PLEKHM2: variants seen among roughly 807,000 people sequenced by gnomAD.
PLEKHM2 encodes the protein pleckstrin homology domain-containing family M member 2.
PLEKHM2 carries 77 observed loss-of-function variants against 116.3 expected under a neutral mutation model. The ratio of observed to expected loss-of-function variants is 0.66; its 90% CI spans 0.55 to 0.80. The LOEUF is 0.80. Ranked by LOEUF, PLEKHM2 falls within the 30% of genes least tolerant of loss-of-function variation. PLEKHM2 has a pLI of 0.00. For missense variants in PLEKHM2, 1,183 were observed against 1,354.9 expected (o/e 0.87, Z 1.99); for synonymous variants, 562 against 571.0 (o/e 0.98, Z 0.22).
At position 15,686,601 on chromosome 1, in the gene PLEKHM2, C is replaced by T. The variant is rs140647440; in HGVS notation, c.60+1983C>T. Reference sequence around the variant, plus strand: ...GTTCAAGCGATTCTTCTGCCTCGGCCTCTCGAGTAGCTGGGATTACAGGTG... The same window carrying T: ...GTTCAAGCGATTCTTCTGCCTCGGCTTCTCGAGTAGCTGGGATTACAGGTG... On this transcript the variant is annotated intron_variant, in intron 1 of 19. Transcript: ENST00000375799. 9.0e-4 allele frequency among the ~76,000 whole-genome samples: 137 copies of T among 151,818 alleles called. 2 individuals are homozygous for T. In the East Asian group the frequency reaches 0.023, roughly 25 times the overall value.
At position 15,728,448 on chromosome 1, in the gene PLEKHM2, C is replaced by T. The variant is rs1052358237; in HGVS notation, c.1921+91C>T. 2.1e-5 allele frequency: 26 copies of T among 1,235,114 alleles called. No individual in the cohort carries two copies. In the East Asian group the frequency reaches 2.4e-4, roughly 12 times the overall value. The allele number at this position is 1,235,114 out of a possible 1,614,324, so 76.5% of individuals were successfully genotyped here. On this transcript the variant is annotated intron_variant, in intron 11 of 19. Transcript: ENST00000375799. This position sits in a 1 kb window ranked among gnomAD's most constrained non-coding sequence, Gnocchi z 5.9. ...GTCCCCTTGCCCTCTGAGTGCCTCC[C>T]GGCTGCCTGGCATGCAGTGATGGAA... is the stretch of plus-strand genomic sequence containing the variant.
Position 15,728,211 on chromosome 1 carries a change from C to T in PLEKHM2, c.1831-56C>T, listed in dbSNP as rs1427361423. On this transcript the variant is annotated intron_variant, in intron 10 of 19. Coordinates refer to ENST00000375799, the MANE Select transcript of PLEKHM2 (RefSeq NM_015164.4). The surrounding 1 kb of genome is among the most constrained non-coding windows in gnomAD (Gnocchi z 5.9). ...AAGGGCAAGGCGGGATGGGCCACCG[C>T]CCCCGCTGGAGCGGCAGGAGCCACC... The T allele has an allele frequency of 1.9e-6, 3 of 1,602,140 alleles. No individual in the cohort carries two copies. Among genetic ancestry groups the T allele is most frequent in the East Asian group, 2.3e-5 (1 of 42,772 alleles).
At chr1:15,694,718 TA>T (rs1216019439) in intron 1 of PLEKHM2, among the ~76,000 whole-genome samples, 1 of 152,108 alleles carries the variant, frequency 6.6e-6, no homozygotes, top group Admixed American at 6.6e-5. Flanking sequence ...GGTGGCCCTC[TA>T]CACAGATATT....
rs2067999027 is a variant in PLEKHM2, at chr1:15,721,676, T to G, written c.712+288T>G. Among the ~76,000 whole-genome samples, 1 of 152,068 alleles carries G rather than the reference T, an allele frequency of 6.6e-6. No individual in the cohort carries two copies. The highest frequency in any genetic ancestry group is 2.4e-5 in the African/African-American group (1 of 41,396). Reference sequence around the variant, plus strand: ...ACAGGGTCACCCTTCCTGATTCCAGTGCCAGCTGATGCTCTCGGGGTGTGT... The same window carrying G: ...ACAGGGTCACCCTTCCTGATTCCAGGGCCAGCTGATGCTCTCGGGGTGTGT... On this transcript the variant is annotated intron_variant, in intron 7 of 19. Transcript: ENST00000375799. The surrounding 1 kb of genome is among the most constrained non-coding windows in gnomAD (Gnocchi z 5.1).
Position 15,711,622 on chromosome 1 carries a change from AAAAAAAG to A in PLEKHM2, c.61-4600_61-4594del, listed in dbSNP as rs1283566697. ...ACAGAGCGAGGCTCCATCTCAAAAA[AAAAAAAG>A]AAAAAAGAAAAAAGGCACTTCTGTA... On this transcript the variant is annotated intron_variant, in intron 1 of 19. Coordinates refer to ENST00000375799, the MANE Select transcript of PLEKHM2 (RefSeq NM_015164.4). 1.9e-4 allele frequency among the ~76,000 whole-genome samples: 29 copies of A among 152,020 alleles called. No individual in the cohort carries two copies. The East Asian group carries it at 3.5e-3, about 18-fold the overall frequency.
chr1:15,725,273 G>A (rs376010242), intron 7 of PLEKHM2, 44 bp from the exon 8 acceptor site: 33 of 1,431,500 alleles, frequency 2.3e-5, no homozygotes, highest in East Asian at 5.0e-5. Flanking sequence ...CGGGGACCCC[G>A]GGGGGTGCCT....
intron 1 of PLEKHM2, among the ~76,000 whole-genome samples, chr1:15,701,183 G>A (rs905026411): frequency 6.7e-6 from 1 of 149,480 alleles, no homozygotes; most frequent in Non-Finnish European, 1.5e-5. Flanking sequence ...TGTAATCCCA[G>A]CACTTGGTGA....
intron 1 of PLEKHM2, among the ~76,000 whole-genome samples, chr1:15,706,216 G>A (rs1456277529): frequency 1.3e-5 from 2 of 152,156 alleles, no homozygotes; most frequent in African/African-American, 4.8e-5. Context: ...GTGTGGCTGT[G>A]CATGATCCGG....
chr1:15,704,776 G>A (rs1187854130), intron 1 of PLEKHM2, among the ~76,000 whole-genome samples: 2 of 152,162 alleles, frequency 1.3e-5, no homozygotes, highest in Non-Finnish European at 2.9e-5. Flanking sequence ...CCATGACCCT[G>A]GCGACTGACC....
chr1:15,683,700 G>A (rs925445863), upstream of PLEKHM2, among the ~76,000 whole-genome samples: 1 of 151,314 alleles, frequency 6.6e-6, no homozygotes, highest in African/African-American at 2.4e-5. Flanking sequence ...CAGGGTCTGT[G>A]GGGGTCCCCA....
intron 14 of PLEKHM2, 120 bp downstream of exon 14, chr1:15,730,049 GC>G (rs962379282): frequency 3.1e-4 from 97 of 315,868 alleles, no homozygotes; most frequent in Admixed American, 1.7e-3. Context: ...GCCTACCTGG[GC>G]GGGGCGGGGC....
chr1:15,705,243 A>G (rs1418424487), intron 1 of PLEKHM2, among the ~76,000 whole-genome samples: 2 of 138,452 alleles, frequency 1.4e-5, no homozygotes, highest in African/African-American at 2.8e-5. Context: ...CAGTGGTGCA[A>G]TCTTGGCTCA....
At position 15,731,237 on chromosome 1, in the gene PLEKHM2, T is replaced by C. The variant is rs1272097914; in HGVS notation, c.2445T>C (p.Pro815=). 7 of 1,594,960 alleles carry C rather than the reference T, an allele frequency of 4.4e-6. No individual in the cohort carries two copies. Among genetic ancestry groups the C allele is most frequent in the Non-Finnish European group, 5.1e-6 (6 of 1,170,478 alleles). The stretch of plus-strand genomic sequence containing the variant: ...ACCCGGACCGCACCGACGTCATCCC[T>C]CTGCTCTCGGTGAACATGGGGTAAG... The part of the protein sequence containing the change: ...YQYPDRTDVI[P]LLSVNMGGEQ... The change falls in exon 16 of 20, where the codon CCT becomes CCC. Residue 815 remains proline, a synonymous_variant. Coordinates refer to ENST00000375799, the MANE Select transcript of PLEKHM2 (RefSeq NM_015164.4).
Position 15,719,794 on chromosome 1 carries a change from C to A in PLEKHM2, c.526C>A (p.Leu176Met). ...MPDYYKPQYL[L>M]DFEDRLPSSV... is the part of the protein sequence containing the mutation. ...CGACTACTACAAACCTCAGTACCTGCTGGACTTTGAAGACCGCCTTCCCAG... is the reference window on the plus strand; with the variant it reads ...CGACTACTACAAACCTCAGTACCTGATGGACTTTGAAGACCGCCTTCCCAG... Residue 176 changes from leucine to methionine, a missense_variant, in exon 6 of 20, where the codon CTG becomes ATG. Coordinates refer to ENST00000375799, the MANE Select transcript of PLEKHM2 (RefSeq NM_015164.4). This position sits in a 1 kb window ranked among gnomAD's most constrained non-coding sequence, Gnocchi z 4.1. 1 of 1,613,844 alleles carries A rather than the reference C, an allele frequency of 6.2e-7. No homozygotes were observed. The highest frequency in any genetic ancestry group is 2.2e-5 in the East Asian group (1 of 44,874).
At chr1:15,684,700 G>GC in intron 1 of PLEKHM2, 82 bp downstream of exon 1, 1 of 734,544 alleles carries the variant, frequency 1.4e-6, no homozygotes, top group Non-Finnish European at 1.8e-6. Context: ...CCGGGCCGGG[G>GC]CCCCCCGCCC....
In PLEKHM2 at chr1:15,733,904, C is replaced by T. The variant is rs769814431; in HGVS notation, c.3030C>T (p.Arg1010=). 5.7e-5 allele frequency: 92 copies of T among 1,612,622 alleles called. No individual in the cohort carries two copies. The highest frequency in any genetic ancestry group is 7.2e-5 in the Non-Finnish European group (85 of 1,179,762). Reference sequence around the variant, plus strand: ...GGCAGCGGAGCGACAGTCTCTGCCGCGGCCGAGCCTCCCGAGACCCCTGGT... The same window carrying T: ...GGCAGCGGAGCGACAGTCTCTGCCGTGGCCGAGCCTCCCGAGACCCCTGGT... ...SAWQRSDSLC[R]GRASRDPWC Residue 1010 remains arginine (R), a synonymous_variant, in exon 20 of 20, where the codon CGC becomes CGT. Coordinates refer to ENST00000375799, the MANE Select transcript of PLEKHM2 (RefSeq NM_015164.4).
At position 15,721,705 on chromosome 1, in the gene PLEKHM2, G is replaced by C. The variant is rs1380770901; in HGVS notation, c.712+317G>C. On this transcript the variant is annotated intron_variant, in intron 7 of 19. Transcript: ENST00000375799. The surrounding 1 kb of genome is among the most constrained non-coding windows in gnomAD (Gnocchi z 5.1). The stretch of plus-strand genomic sequence containing the variant: ...AGCTGATGCTCTCGGGGTGTGTAGG[G>C]CCTGACCCAGTGAACCAAGACTTGT... 5.3e-5 allele frequency among the ~76,000 whole-genome samples: 8 copies of C among 152,114 alleles called. No homozygotes were observed. The East Asian group carries it at 1.5e-3, about 29-fold the overall frequency.
At position 15,732,659 on chromosome 1, in the gene PLEKHM2, C is replaced by T. The variant is rs929196751; in HGVS notation, c.2853C>T (p.Tyr951=). ...AGCTCCTCCCGCCCTGGGTCATCTA[C>T]CTGAGCTGCACTTCTGAACTGGACC... The part of the protein sequence containing the change: ...SQQLLPPWVI[Y]LSCTSELDRL... The change falls in exon 19 of 20, where the codon TAC becomes TAT. Residue 951 remains tyrosine (Y), a synonymous_variant. Coordinates refer to ENST00000375799, the MANE Select transcript of PLEKHM2 (RefSeq NM_015164.4). 1.5e-5 allele frequency: 24 copies of T among 1,610,030 alleles called. No individual in the cohort carries two copies. The highest frequency in any genetic ancestry group is 2.0e-5 in the Non-Finnish European group (23 of 1,178,352).
intron 17 of PLEKHM2, 52 bp downstream of exon 17, chr1:15,732,100 C>G: frequency 6.6e-7 from 1 of 1,522,666 alleles, no homozygotes; most frequent in Non-Finnish European, 9.0e-7. Context: ...CCCACCCAGA[C>G]CCCCAGGGTC....
Sources: allele counts gnomAD v4.1 joint callset (sites outside exome capture counted in the v4.1 genomes callset), GRCh38; gene constraint gnomAD v4.1.1; non-coding constraint Gnocchi (gnomAD v3.1); transcripts MANE v1.5; gene names NCBI Gene and HGNC (gene_info 2026-07-23, HGNC 2026-07-21).